Variants in ATP8B4 observed in about 807,000 individuals in gnomAD.
The protein encoded by ATP8B4 is ATPase phospholipid transporting 8B4 (putative).
Under a neutral mutation model 145.6 loss-of-function variants are expected in ATP8B4, and 133 were observed. That is an observed-to-expected ratio of 0.91 (90% CI 0.79 to 1.05). ATP8B4 has a LOEUF of 1.05. Among genes scored for constraint, ATP8B4 ranks in the 50% least tolerant of loss-of-function variants. The pLI is 0.00. For synonymous variants in ATP8B4, 507 were observed against 492.9 expected, an observed-to-expected ratio of 1.03 and a Z score of -0.38; for missense variants, 1,458 against 1,425.2, an observed-to-expected ratio of 1.02 and a Z score of -0.37.
At chr15:50,117,592 T>C (rs926305027) in intron 1 of ATP8B4, among the ~76,000 whole-genome samples, 2 of 152,176 alleles carry the variant, frequency 1.3e-5, no homozygotes, top group Non-Finnish European at 2.9e-5. Context: ...TAAATCACTC[T>C]GTGGTTTCTC....
chr15:50,137,507 C>G (rs1452115621), intron 1 of ATP8B4, among the ~76,000 whole-genome samples: 2 of 152,216 alleles, frequency 1.3e-5, no homozygotes, highest in African/African-American at 2.4e-5. Context: ...AACATCTTGA[C>G]TAACTACCAG....
chr15:49,931,312 A>G lies in ATP8B4; in HGVS notation c.1454-5T>C. 1 of 1,610,422 alleles carries G rather than the reference A, an allele frequency of 6.2e-7. No individual in the cohort carries two copies. Among genetic ancestry groups the G allele is most frequent in the Non-Finnish European group, 8.5e-7 (1 of 1,177,846 alleles). On this transcript the variant is annotated splice_region_variant and splice_polypyrimidine_tract_variant and intron_variant, in intron 15 of 27. Transcript: ENST00000284509. ...GAACTTGGTAAATCAGCTCTCCTAA[A>G]AGGTAAAGAAACAAGTGTATCAATA...
intron 25 of ATP8B4, among the ~76,000 whole-genome samples, chr15:49,874,515 T>C (rs952625713): frequency 3.3e-5 from 5 of 152,126 alleles, no homozygotes; most frequent in African/African-American, 1.2e-4. Flanking sequence ...AGAGAATAGA[T>C]TTTGAAGAGA....
At chr15:49,929,565 G>T (rs905278262) in intron 16 of ATP8B4, among the ~76,000 whole-genome samples, 3 of 152,042 alleles carry the variant, frequency 2.0e-5, no homozygotes. Context: ...GTATAAGAAG[G>T]TCACAGAATA....
At chr15:50,071,402 C>T (rs1170654545) in intron 3 of ATP8B4, among the ~76,000 whole-genome samples, 1 of 152,136 alleles carries the variant, frequency 6.6e-6, no homozygotes, top group Non-Finnish European at 1.5e-5. Context: ...CTTTACAAGG[C>T]ACAAACGAAA....
intron 1 of ATP8B4, among the ~76,000 whole-genome samples, chr15:50,172,278 G>A (rs1257115616): frequency 1.3e-5 from 2 of 152,258 alleles, no homozygotes; most frequent in Admixed American, 6.5e-5. Flanking sequence ...GAGTGCCTGG[G>A]ATTGCAGGCG....
chr15:50,155,170 T>G (rs1458600147), intron 1 of ATP8B4, among the ~76,000 whole-genome samples: 1 of 152,172 alleles, frequency 6.6e-6, no homozygotes, highest in Non-Finnish European at 1.5e-5. Flanking sequence ...GTTAAATATA[T>G]ATTCATTTTG....
chr15:49,911,898 C>T (rs188284691), intron 20 of ATP8B4, among the ~76,000 whole-genome samples: 22 of 151,992 alleles, frequency 1.4e-4, no homozygotes, highest in Non-Finnish European at 3.1e-4. Context: ...AGAAACAATA[C>T]ACTACATGAA....
At chr15:49,961,222 G>A (rs927197183) in intron 14 of ATP8B4, among the ~76,000 whole-genome samples, 1 of 151,786 alleles carries the variant, frequency 6.6e-6, no homozygotes, top group African/African-American at 2.4e-5. Flanking sequence ...TATAACAAGA[G>A]AAGTTAAAAT....
At position 49,876,332 on chromosome 15, in the gene ATP8B4, G is replaced by C. The variant is rs1411361064; in HGVS notation, c.2973C>G (p.Tyr991Ter). The C allele has an allele frequency of 6.2e-7, 1 of 1,614,144 alleles. No homozygotes were observed. Among genetic ancestry groups the C allele is most frequent in the South Asian group, 1.1e-5 (1 of 91,088 alleles). The part of the protein sequence containing the change: ...AGEDGQHIAD[Y>*]QSFAVTMATS... ...TGGCCATGGTAACTGCAAAGGACTGGTAGTCAGCAATATGTTGCCCATCTT... is the reference window on the plus strand; with the variant it reads ...TGGCCATGGTAACTGCAAAGGACTGCTAGTCAGCAATATGTTGCCCATCTT... Residue 991 changes from tyrosine (Y) to a stop codon, truncating the protein, a stop_gained, in exon 25 of 28, where the codon TAC becomes TAG. Transcript: ENST00000284509. LOFTEE classifies it high-confidence loss of function.
intron 16 of ATP8B4, among the ~76,000 whole-genome samples, chr15:49,925,342 A>G (rs1242704806): frequency 6.6e-6 from 1 of 152,156 alleles, no homozygotes; most frequent in Non-Finnish European, 1.5e-5. Flanking sequence ...TTGGATTCCC[A>G]TATCTGTTTC....
intron 14 of ATP8B4, among the ~76,000 whole-genome samples, chr15:49,943,963 T>C (rs1202161763): frequency 1.3e-5 from 2 of 152,204 alleles, no homozygotes; most frequent in African/African-American, 2.4e-5. Flanking sequence ...CATTTAAAAG[T>C]ATAGCATTTT....
intron 10 of ATP8B4, among the ~76,000 whole-genome samples, chr15:49,985,069 C>T (rs1323441556): frequency 6.6e-6 from 1 of 151,482 alleles, no homozygotes; most frequent in Non-Finnish European, 1.5e-5. Flanking sequence ...AGAGTAATAA[C>T]ACAGAAAGAA....
chr15:49,982,316 A>G (rs980619050), intron 10 of ATP8B4: 16 of 152,330 alleles, frequency 1.1e-4, no homozygotes, highest in African/African-American at 3.6e-4. Flanking sequence ...ATTGTACTGC[A>G]GTATCCTATT....
intron 1 of ATP8B4, among the ~76,000 whole-genome samples, chr15:50,160,861 T>C (rs1411952520): frequency 6.6e-6 from 1 of 152,076 alleles, no homozygotes; most frequent in Non-Finnish European, 1.5e-5. Context: ...CATATGAAAT[T>C]TTCTATAAAT....
chr15:50,105,836 C>G (rs1403956886), intron 2 of ATP8B4, among the ~76,000 whole-genome samples: 1 of 152,108 alleles, frequency 6.6e-6, no homozygotes, highest in Non-Finnish European at 1.5e-5. Flanking sequence ...CAAAAGTTTG[C>G]AACACTGGGT....
chr15:49,954,454 G>A (rs542060095), intron 14 of ATP8B4, among the ~76,000 whole-genome samples: 14 of 152,116 alleles, frequency 9.2e-5, no homozygotes, highest in African/African-American at 3.4e-4. Context: ...ACTTAATATC[G>A]AGAATTGATA....
chr15:50,128,999 T>C (rs1456851290), intron 1 of ATP8B4, among the ~76,000 whole-genome samples: 1 of 151,822 alleles, frequency 6.6e-6, no homozygotes, highest in African/African-American at 2.4e-5. Flanking sequence ...ACCCGGGAGG[T>C]GGAGGTTGCA....
In ATP8B4 at chr15:49,922,037, G is replaced by A. The variant is rs150760441; in HGVS notation, c.1758+1342C>T. 3.0e-3 allele frequency among the ~76,000 whole-genome samples: 457 copies of A among 152,204 alleles called. 2 individuals are homozygous for A. The highest frequency in any genetic ancestry group is 6.8e-3 in the Middle Eastern group (2 of 294). Reference sequence around the variant, plus strand: ...ATAAGATGACATTACAAAAGGAAACGGATGATTTAAATTATTTAATTAGTA... The same window carrying A: ...ATAAGATGACATTACAAAAGGAAACAGATGATTTAAATTATTTAATTAGTA... On this transcript the variant is annotated intron_variant, in intron 17 of 27. Transcript: ENST00000284509.
Sources: gnomAD v4.1 joint callset for allele counts (sites outside exome capture counted in the v4.1 genomes callset) on GRCh38, gnomAD v4.1.1 for gene constraint, MANE v1.5 for transcripts, NCBI Gene and HGNC (gene_info 2026-07-23, HGNC 2026-07-21) for gene names.